Variants in GALNTL6 observed in about 807,000 individuals in gnomAD.
GALNTL6 encodes polypeptide N-acetylgalactosaminyltransferase like 6.
In GALNTL6, 46 loss-of-function variants were observed where a neutral mutation model predicts 73.7. The ratio of observed to expected loss-of-function variants is 0.62; its 90% CI spans 0.49 to 0.80. GALNTL6 has a LOEUF of 0.80. GALNTL6 is among the 30% of genes least tolerant of loss of function. The probability of loss-of-function intolerance (pLI) is 0.00; values close to 1 mark genes in which losing one functional copy is unlikely to be tolerated. For missense variants in GALNTL6, 604 were observed against 755.0 expected, an observed-to-expected ratio of 0.80 and a Z score of 2.34; for synonymous variants, 259 against 263.7, an observed-to-expected ratio of 0.98 and a Z score of 0.17.
At chr4:172,036,998 G>A (rs1428207927) in intron 2 of GALNTL6, among the ~76,000 whole-genome samples, 2 of 152,018 alleles carry the variant, frequency 1.3e-5, no homozygotes, top group Non-Finnish European at 1.5e-5. Context: ...AGCATTCAAA[G>A]AGGCAATAGA....
intron 3 of GALNTL6, among the ~76,000 whole-genome samples, chr4:172,282,618 G>C (rs1739099553): frequency 6.8e-6 from 1 of 147,328 alleles, no homozygotes; most frequent in African/African-American, 2.5e-5. Context: ...CATTGTAAGT[G>C]CAATGGAAAG....
chr4:172,666,791 G>A (rs940737573), intron 5 of GALNTL6: 3 of 152,104 alleles, frequency 2.0e-5, no homozygotes, highest in Non-Finnish European at 2.9e-5. Context: ...TTAGGATGAT[G>A]GGAGTCACAG....
intron 2 of GALNTL6, among the ~76,000 whole-genome samples, chr4:171,825,370 T>A (rs1734795402): frequency 6.6e-6 from 1 of 152,080 alleles, no homozygotes; most frequent in Admixed American, 6.6e-5. Flanking sequence ...TGTGTAAAAT[T>A]AAGTGATGGG....
chr4:172,047,468 C>T (rs1238791707), intron 2 of GALNTL6, among the ~76,000 whole-genome samples: 1 of 152,094 alleles, frequency 6.6e-6, no homozygotes, highest in Non-Finnish European at 1.5e-5. Context: ...GCCGTGCTTT[C>T]CTCTTCCTTT....
chr4:172,011,231 G>T (rs982005190), intron 2 of GALNTL6, among the ~76,000 whole-genome samples: 1 of 152,060 alleles, frequency 6.6e-6, no homozygotes, highest in African/African-American at 2.4e-5. Flanking sequence ...ACAGAATTAT[G>T]TGTGAGCTTA....
chr4:172,173,664 A>G (rs1734904046), intron 2 of GALNTL6, among the ~76,000 whole-genome samples: 1 of 152,254 alleles, frequency 6.6e-6, no homozygotes, highest in Non-Finnish European at 1.5e-5. Context: ...TTGGAAACGG[A>G]GCTATTTATA....
chr4:173,001,080 A>C (rs1257315222), intron 10 of GALNTL6, among the ~76,000 whole-genome samples: 2 of 152,186 alleles, frequency 1.3e-5, no homozygotes, highest in Non-Finnish European at 2.9e-5. Context: ...GTGAACATAA[A>C]AGCAGAAACC....
At chr4:172,415,500 TGGTTATAA>T (rs1031849505) in intron 5 of GALNTL6, among the ~76,000 whole-genome samples, 4 of 152,158 alleles carry the variant, frequency 2.6e-5, no homozygotes, top group African/African-American at 9.6e-5. Flanking sequence ...TTGCCCTGAA[TGGTTATAA>T]GGCTCAAATC....
At chr4:172,993,266 T>G (rs1471794809) in intron 10 of GALNTL6, among the ~76,000 whole-genome samples, 1 of 152,164 alleles carries the variant, frequency 6.6e-6, no homozygotes, top group East Asian at 1.9e-4. Flanking sequence ...GAGAAAAGGC[T>G]ATGTAGGGAC....
chr4:172,789,923 CA>C (rs1739898218), intron 5 of GALNTL6, among the ~76,000 whole-genome samples: 1 of 152,206 alleles, frequency 6.6e-6, no homozygotes, highest in Admixed American at 6.5e-5. Flanking sequence ...GAACCATGGA[CA>C]AAAACCACCA....
intron 5 of GALNTL6, among the ~76,000 whole-genome samples, chr4:172,606,676 C>CACTATA (rs1356147519): frequency 4.6e-5 from 2 of 43,746 alleles, no homozygotes; most frequent in Admixed American, 3.3e-4. Flanking sequence ...TATATATATA[C>CACTATA]TATATATATA....
intron 5 of GALNTL6, among the ~76,000 whole-genome samples, chr4:172,490,895 A>G (rs993076760): frequency 6.6e-6 from 1 of 152,152 alleles, no homozygotes. Flanking sequence ...CCGTTCATTC[A>G]TTTATTCATT....
intron 2 of GALNTL6, among the ~76,000 whole-genome samples, chr4:171,868,346 C>G (rs977882979): frequency 1.3e-5 from 2 of 150,822 alleles, no homozygotes; most frequent in Non-Finnish European, 2.9e-5. Context: ...CTGCTCCTTA[C>G]CCTACGATTT....
At chr4:172,515,862 T>C (rs1414648954) in intron 5 of GALNTL6, among the ~76,000 whole-genome samples, 1 of 152,184 alleles carries the variant, frequency 6.6e-6, no homozygotes, top group Non-Finnish European at 1.5e-5. Context: ...ACGGCATTCA[T>C]TGCAGTTAGA....
chr4:172,095,325 T>C (rs58075208), intron 2 of GALNTL6, among the ~76,000 whole-genome samples: 5,132 of 152,118 alleles, frequency 0.034, 282 homozygotes, highest in African/African-American at 0.12. Flanking sequence ...ATAGGGTTAA[T>C]CCCAGACCTC....
chr4:172,737,708 G>T (rs964220848), intron 5 of GALNTL6, among the ~76,000 whole-genome samples: 6 of 152,240 alleles, frequency 3.9e-5, no homozygotes, highest in African/African-American at 9.6e-5. Flanking sequence ...TTGCACTGGA[G>T]AATTAGTTAT....
At chr4:172,015,058 T>C (rs1403320464) in intron 2 of GALNTL6, among the ~76,000 whole-genome samples, 1 of 152,164 alleles carries the variant, frequency 6.6e-6, no homozygotes, top group Non-Finnish European at 1.5e-5. Flanking sequence ...TGTAAATATT[T>C]GTTAAGTCCA....
intron 2 of GALNTL6, among the ~76,000 whole-genome samples, chr4:172,010,542 T>C (rs1740975503): frequency 1.3e-5 from 2 of 152,044 alleles, no homozygotes; most frequent in Admixed American, 6.6e-5. Context: ...TTCCAACTGA[T>C]ATATAAAAGG....
intron 5 of GALNTL6, among the ~76,000 whole-genome samples, chr4:172,385,081 AC>A (rs1441040169): frequency 7.0e-6 from 1 of 141,854 alleles, no homozygotes; most frequent in African/African-American, 2.6e-5. Flanking sequence ...TAATTTTCAT[AC>A]GTTTCAATTT....
Sources: gnomAD v4.1 joint callset for allele counts (sites outside exome capture counted in the v4.1 genomes callset) on GRCh38, gnomAD v4.1.1 for gene constraint, MANE v1.5 for transcripts, NCBI Gene and HGNC (gene_info 2026-07-23, HGNC 2026-07-21) for gene names.